GALNT17: variants seen among roughly 807,000 people sequenced by gnomAD.
GALNT17 encodes the protein UDP-GalNAc:polypeptide N-acetylgalactosaminyltransferase-like 3.
Under a neutral mutation model 63.7 loss-of-function variants are expected in GALNT17, and 29 were observed. The observed-to-expected ratio is 0.46, with a 90% CI of 0.34 to 0.62. The LOEUF is 0.62. Among genes scored for constraint, GALNT17 ranks in the 20% least tolerant of loss-of-function variants. The pLI, the probability that GALNT17 is intolerant of heterozygous loss-of-function variation, is 0.01. For missense variants in GALNT17, 603 were observed against 799.6 expected (o/e 0.75, Z 2.97); for synonymous variants, 305 against 318.3 (o/e 0.96, Z 0.45).
chr7:71,606,718 C>T (rs1790053464), intron 6 of GALNT17, among the ~76,000 whole-genome samples: 1 of 152,180 alleles, frequency 6.6e-6, no homozygotes, highest in Non-Finnish European at 1.5e-5. Context: ...CTTCTGTCAG[C>T]ATTAGCCATC....
At chr7:71,702,859 G>A (rs1791671933) in intron 9 of GALNT17, among the ~76,000 whole-genome samples, 1 of 152,196 alleles carries the variant, frequency 6.6e-6, no homozygotes, top group Non-Finnish European at 1.5e-5. Flanking sequence ...GCAACTGTAA[G>A]GATGGAGTTA....
At chr7:71,558,883 T>G (rs530210122) in intron 5 of GALNT17, among the ~76,000 whole-genome samples, 3 of 152,338 alleles carry the variant, frequency 2.0e-5, no homozygotes, top group African/African-American at 7.2e-5. Flanking sequence ...GTTTTGAGAC[T>G]GGCAACTTCA....
intron 5 of GALNT17, among the ~76,000 whole-genome samples, chr7:71,543,509 A>G (rs1788928154): frequency 6.6e-6 from 1 of 152,166 alleles, no homozygotes; most frequent in Non-Finnish European, 1.5e-5. Flanking sequence ...GGACACATAC[A>G]GTTATCTCTT....
At chr7:71,627,377 C>T (rs1435211355) in intron 6 of GALNT17, among the ~76,000 whole-genome samples, 2 of 152,174 alleles carry the variant, frequency 1.3e-5, no homozygotes, top group Non-Finnish European at 2.9e-5. Flanking sequence ...TGTGGTTGCA[C>T]CATTGCGCCC....
chr7:71,163,305 C>T (rs1051929975), intron 1 of GALNT17, among the ~76,000 whole-genome samples: 5 of 152,046 alleles, frequency 3.3e-5, no homozygotes, highest in African/African-American at 4.8e-5. Context: ...AGATGTTGTC[C>T]AGAGAGTTGG....
At chr7:71,384,196 T>C in intron 2 of GALNT17, among the ~76,000 whole-genome samples, 1 of 152,102 alleles carries the variant, frequency 6.6e-6, no homozygotes, top group East Asian at 1.9e-4. Context: ...CTCAGTGTAG[T>C]GTTGATTTGC....
intron 1 of GALNT17, among the ~76,000 whole-genome samples, chr7:71,162,115 C>CCTTCCTTCCTTCCTT (rs1788356038): frequency 2.2e-5 from 1 of 46,262 alleles, no homozygotes; most frequent in African/African-American, 1.8e-4. Flanking sequence ...CTTCCTCCCT[C>CCTTCCTTCCTTCCTT]CCTCCCTCCC....
intron 1 of GALNT17, among the ~76,000 whole-genome samples, chr7:71,150,475 G>A (rs939451660): frequency 1.3e-5 from 2 of 151,786 alleles, no homozygotes; most frequent in African/African-American, 4.8e-5. Context: ...CTCCTACGGG[G>A]TCCTTCATGC....
intron 6 of GALNT17, among the ~76,000 whole-genome samples, chr7:71,629,839 C>G (rs900596640): frequency 6.6e-6 from 1 of 152,152 alleles, no homozygotes; most frequent in South Asian, 2.1e-4. Flanking sequence ...CCAGGCTGGT[C>G]TCTAACTCCT....
At chr7:71,682,444 A>G (rs73354153) in intron 9 of GALNT17, among the ~76,000 whole-genome samples, 7,410 of 152,160 alleles carry the variant, frequency 0.049, 602 homozygotes, top group African/African-American at 0.17. Context: ...TTATTCCTCT[A>G]TAGCCCCTCC....
intron 6 of GALNT17, among the ~76,000 whole-genome samples, chr7:71,602,618 T>C (rs1480501968): frequency 1.3e-5 from 2 of 152,144 alleles, no homozygotes; most frequent in African/African-American, 4.8e-5. Flanking sequence ...CTGCAGCTTC[T>C]GGGGGATACA....
At chr7:71,236,188 A>T (rs1789886971) in intron 1 of GALNT17, among the ~76,000 whole-genome samples, 1 of 145,274 alleles carries the variant, frequency 6.9e-6, no homozygotes, top group Admixed American at 6.7e-5. Flanking sequence ...TCTCAAAAAA[A>T]TTAAATAAAA....
intron 5 of GALNT17, among the ~76,000 whole-genome samples, chr7:71,472,489 C>T (rs1164041767): frequency 6.6e-6 from 1 of 152,106 alleles, no homozygotes; most frequent in East Asian, 1.9e-4. Context: ...GAGGTCAAGA[C>T]CATACTGGCC....
chr7:71,686,882 G>T (rs1012827214), intron 9 of GALNT17, among the ~76,000 whole-genome samples: 1 of 152,132 alleles, frequency 6.6e-6, no homozygotes, highest in Non-Finnish European at 1.5e-5. Flanking sequence ...GACTAACAGG[G>T]TCTGCAAGAA....
intron 5 of GALNT17, among the ~76,000 whole-genome samples, chr7:71,434,917 C>T (rs1786932023): frequency 6.6e-6 from 1 of 152,146 alleles, no homozygotes; most frequent in African/African-American, 2.4e-5. Context: ...AAACCCTCCA[C>T]AAAATTCTGT....
chr7:71,541,650 T>G (rs1371712869), intron 5 of GALNT17, among the ~76,000 whole-genome samples: 1 of 152,090 alleles, frequency 6.6e-6, no homozygotes, highest in Non-Finnish European at 1.5e-5. Flanking sequence ...TTCACCTCAT[T>G]TCCTTTCAGA....
chr7:71,172,784 T>A (rs1422379584), intron 1 of GALNT17, among the ~76,000 whole-genome samples: 2 of 152,220 alleles, frequency 1.3e-5, no homozygotes, highest in Admixed American at 1.3e-4. Flanking sequence ...ATAAATGAAG[T>A]AATCTGATAA....
chr7:71,571,463 T>C (rs1789441668), intron 6 of GALNT17, 61 bp downstream of exon 6: 1 of 1,394,182 alleles, frequency 7.2e-7, no homozygotes, highest in Non-Finnish European at 1.0e-6. Flanking sequence ...AGCGTCTTGG[T>C]CATCCGTGGG....
At chr7:71,684,008 C>T (rs909880093) in intron 9 of GALNT17, among the ~76,000 whole-genome samples, 10 of 121,430 alleles carry the variant, frequency 8.2e-5, no homozygotes, top group African/African-American at 3.1e-4. Context: ...CACTCTGTCT[C>T]AAAAAAAAAA....
Sources: gnomAD v4.1 joint callset for allele counts (sites outside exome capture counted in the v4.1 genomes callset) on GRCh38, gnomAD v4.1.1 for gene constraint, MANE v1.5 for transcripts, NCBI Gene and HGNC (gene_info 2026-07-23, HGNC 2026-07-21) for gene names.